PCYOX1L: variants seen among roughly 807,000 people sequenced by gnomAD.
The protein encoded by PCYOX1L is prenylcysteine oxidase 1 like, also known as prenylcysteine oxidase 1-like.
A neutral mutation model predicts 44.1 loss-of-function variants in PCYOX1L; 40 were observed. The observed-to-expected ratio is 0.91, with a 90% CI of 0.70 to 1.18. The LOEUF (loss-of-function observed/expected upper bound fraction) is 1.18, where lower values mean the gene tolerates loss of function less well. Ranked by LOEUF, PCYOX1L falls within the 50% of genes most tolerant of loss-of-function variation. The pLI, the probability that PCYOX1L is intolerant of heterozygous loss-of-function variation, is 0.00. For synonymous variants in PCYOX1L, 266 were observed against 282.8 expected, an observed-to-expected ratio of 0.94 and a Z score of 0.60; for missense variants, 605 against 653.3, an observed-to-expected ratio of 0.93 and a Z score of 0.81.
At chr5:149,364,430 A>G in intron 3 of PCYOX1L, 1 of 534,762 alleles carries the variant, frequency 1.9e-6, no homozygotes, top group Non-Finnish European at 3.3e-6. Flanking sequence ...TCATTTTCTT[A>G]CCCTCTACTA....
rs1365338868 is a variant in PCYOX1L at position 149,362,833 on chromosome 5, C to T, written c.285C>T (p.Val95=). Residue 95 remains valine (V), a synonymous_variant, in exon 2 of 6, where the codon GTC becomes GTT. Coordinates refer to ENST00000274569, the MANE Select transcript of PCYOX1L (RefSeq NM_024028.4). ...TGAGCCTGCACATGCAGGACTTCGT[C>T]AAGCTGCTGGGTGAGTGGTCAGTCC... ...HSLSLHMQDF[V]KLLGLRHRRE... is the part of the protein sequence containing the mutation. 6.2e-7 allele frequency: 1 copy of T among 1,613,754 alleles called. No homozygotes were observed. The highest frequency in any genetic ancestry group is 1.3e-5 in the African/African-American group (1 of 74,950).
chr5:149,363,254 G>A, intron 2 of PCYOX1L: 1 of 359,648 alleles, frequency 2.8e-6, no homozygotes, highest in Non-Finnish European at 5.5e-6. Flanking sequence ...ATAGATTTAA[G>A]CTAAAGCCAT....
In PCYOX1L at chr5:149,368,666, A is replaced by C; in HGVS notation, c.*12A>C. 1 of 1,501,106 alleles carries C rather than the reference A, an allele frequency of 6.7e-7. No individual in the cohort carries two copies. The highest frequency in any genetic ancestry group is 8.8e-7 in the Non-Finnish European group (1 of 1,132,530). 93.0% of individuals were successfully genotyped at this position (1,501,106 alleles called of 1,614,324 possible). ...AGACTGAACTGTGAGGGCTCTAGGG[A>C]GAGCCTGGGAACTTTCATCCCCCAC... On this transcript the variant is annotated 3_prime_UTR_variant, in exon 6 of 6. Coordinates refer to ENST00000274569, the MANE Select transcript of PCYOX1L (RefSeq NM_024028.4).
chr5:149,361,817 A>G (rs1400959185), intron 1 of PCYOX1L, among the ~76,000 whole-genome samples: 1 of 152,294 alleles, frequency 6.6e-6, no homozygotes, highest in East Asian at 1.9e-4. Flanking sequence ...TAGTAGAGAC[A>G]GGGTTTCACC....
intron 3 of PCYOX1L, chr5:149,364,977 G>A: frequency 6.5e-6 from 1 of 152,706 alleles, no homozygotes; most frequent in Non-Finnish European, 1.5e-5. Context: ...AGGCGCAGGG[G>A]CTGCTCCCCG....
Position 149,368,189 on chromosome 5 carries a change from C to G in PCYOX1L, c.1020C>G (p.Tyr340Ter). The change falls in exon 6 of 6, where the codon TAC becomes TAG. Residue 340 changes from tyrosine to a stop codon, truncating the protein, a stop_gained. Transcript: ENST00000274569. LOFTEE classifies it high-confidence loss of function. The part of the protein sequence containing the change: ...QPTVVSLVHG[Y>*]LNSSYFGFPD... ...CCGTCGTCTCCTTGGTCCACGGCTA[C>G]CTCAACTCGTCCTACTTCGGTTTCC... is the stretch of plus-strand genomic sequence containing the variant. The G allele has an allele frequency of 1.2e-6, 2 of 1,614,104 alleles. No homozygotes were observed. The highest frequency in any genetic ancestry group is 1.7e-6 in the Non-Finnish European group (2 of 1,179,996).
chr5:149,361,710 C>T (rs1758014589), intron 1 of PCYOX1L, among the ~76,000 whole-genome samples: 1 of 152,196 alleles, frequency 6.6e-6, no homozygotes, highest in African/African-American at 2.4e-5. Context: ...CTCACCACAA[C>T]CTCCGCCTCC....
chr5:149,364,457 A>G (rs1758132150), intron 3 of PCYOX1L: 3 of 398,708 alleles, frequency 7.5e-6, no homozygotes, highest in Non-Finnish European at 1.4e-5. Flanking sequence ...TACTAATAAA[A>G]GCATGGGTTG....
intron 2 of PCYOX1L, 46 bp from the exon 3 acceptor site, chr5:149,363,990 C>G: frequency 6.2e-7 from 1 of 1,600,824 alleles, no homozygotes; most frequent in Non-Finnish European, 8.5e-7. Context: ...TCAAGAGGGC[C>G]CCAAGTCTTG....
chr5:149,367,595 C>A (rs1433655672), intron 5 of PCYOX1L, 95 bp downstream of exon 5: 1 of 1,509,846 alleles, frequency 6.6e-7, no homozygotes, highest in Admixed American at 2.4e-5. Context: ...GTCTGTGATC[C>A]CCCTGGGGAG....
chr5:149,362,338 A>C, intron 1 of PCYOX1L: 1 of 395,372 alleles, frequency 2.5e-6, no homozygotes, highest in Non-Finnish European at 4.7e-6. Flanking sequence ...ATATAAAACT[A>C]AATTTATTCT....
chr5:149,368,742 C>A lies in PCYOX1L; in HGVS notation c.*88C>A. 1 of 1,329,398 alleles carries A rather than the reference C, an allele frequency of 7.5e-7. No homozygotes were observed. Among genetic ancestry groups the A allele is most frequent in the Non-Finnish European group, 9.9e-7 (1 of 1,005,614 alleles). 82.4% of individuals were successfully genotyped at this position (1,329,398 alleles called of 1,614,324 possible). On this transcript the variant is annotated 3_prime_UTR_variant, in exon 6 of 6. Coordinates refer to ENST00000274569, the MANE Select transcript of PCYOX1L (RefSeq NM_024028.4). ...CCAGGACTGAATAAGCCATGCTCGC[C>A]CACCAGGCTTCTTTCTGACCCCTCA... is the stretch of plus-strand genomic sequence containing the variant.
chr5:149,361,627 A>G (rs997325655), intron 1 of PCYOX1L, among the ~76,000 whole-genome samples: 2 of 152,204 alleles, frequency 1.3e-5, no homozygotes, highest in South Asian at 4.1e-4. Context: ...CATAGAGTAC[A>G]TTCCAGTCTC....
At chr5:149,358,554 G>GC (rs1757918997) in intron 1 of PCYOX1L, among the ~76,000 whole-genome samples, 1 of 34,236 alleles carries the variant, frequency 2.9e-5, no homozygotes, top group Non-Finnish European at 5.8e-5. Flanking sequence ...AGTTCCTGCT[G>GC]GGGTAGAGCC....
At position 149,368,484 on chromosome 5, in the gene PCYOX1L, C is replaced by T. The variant is rs1271479186; in HGVS notation, c.1315C>T (p.Leu439Phe). 1.9e-6 allele frequency: 3 copies of T among 1,612,864 alleles called. No individual in the cohort carries two copies. The highest frequency in any genetic ancestry group is 3.3e-5 in the Admixed American group (2 of 59,952). ...GSRPTLPRFALHDQLFYLNAL... is the reference protein window; with the variant it reads ...GSRPTLPRFAFHDQLFYLNAL... ...CCGCCCCACGCTCCCGAGGTTTGCACTCCATGACCAGCTCTTCTACCTCAA... is the reference window on the plus strand; with the variant it reads ...CCGCCCCACGCTCCCGAGGTTTGCATTCCATGACCAGCTCTTCTACCTCAA... Residue 439 changes from leucine (L) to phenylalanine (F), a missense_variant, in exon 6 of 6, where the codon CTC becomes TTC. Transcript: ENST00000274569.
At chr5:149,363,326 A>G (rs1758075560) in intron 2 of PCYOX1L, 2 of 333,470 alleles carry the variant, frequency 6.0e-6, no homozygotes, top group African/African-American at 4.3e-5. Context: ...TGTTTGATGC[A>G]GAAACTCTGC....
chr5:149,362,130 AAG>A, intron 1 of PCYOX1L: 2 of 165,064 alleles, frequency 1.2e-5, no homozygotes, highest in Admixed American at 1.1e-4. Context: ...AATTGAAAGA[AAG>A]AGCATCATGG....
chr5:149,364,079 C>T lies in PCYOX1L; in HGVS notation c.339C>T (p.Phe113=), dbSNP rs747704482. 5.6e-6 allele frequency: 9 copies of T among 1,613,984 alleles called. No individual in the cohort carries two copies. The highest frequency in any genetic ancestry group is 4.0e-5 in the African/African-American group (3 of 74,928). The change falls in exon 3 of 6, where the codon TTC becomes TTT. Residue 113 remains phenylalanine (F), a synonymous_variant. Coordinates refer to ENST00000274569, the MANE Select transcript of PCYOX1L (RefSeq NM_024028.4). ...AGGTGGTGGGCAGGAGCGCCATCTT[C>T]GGCGGGGAGCACTTCATGCTGGAGG... The part of the protein sequence containing the change: ...RREVVGRSAI[F]GGEHFMLEET...
At chr5:149,365,860 C>T in intron 3 of PCYOX1L, 82 bp from the exon 4 acceptor site, 2 of 1,367,984 alleles carry the variant, frequency 1.5e-6, no homozygotes, top group Non-Finnish European at 1.0e-6. Context: ...CCTGGTGGGC[C>T]TCCCAGGCAC....
Sources: allele counts gnomAD v4.1 joint callset (sites outside exome capture counted in the v4.1 genomes callset), GRCh38; gene constraint gnomAD v4.1.1; transcripts MANE v1.5; gene names NCBI Gene and HGNC (gene_info 2026-07-23, HGNC 2026-07-21).